ANKRD44: variants seen among roughly 807,000 people sequenced by gnomAD.
ANKRD44 encodes serine/threonine-protein phosphatase 6 regulatory ankyrin repeat subunit B.
ANKRD44 carries 35 observed loss-of-function variants against 116.0 expected under a neutral mutation model. The observed-to-expected ratio is 0.30, with a 90% CI of 0.23 to 0.40. The LOEUF (loss-of-function observed/expected upper bound fraction) is 0.40, where lower values mean the gene tolerates loss of function less well. Among genes scored for constraint, ANKRD44 ranks in the 10% least tolerant of loss-of-function variants. The pLI, the probability that ANKRD44 is intolerant of heterozygous loss-of-function variation, is 1.00. For missense variants in ANKRD44, 1,014 were observed against 1,242.6 expected (o/e 0.82, Z 2.77); for synonymous variants, 435 against 461.8 (o/e 0.94, Z 0.74).
chr2:197,147,040 G>A lies in ANKRD44; in HGVS notation c.177C>T (p.Leu59=), dbSNP rs776572141. 2 of 1,613,642 alleles carry A rather than the reference G, an allele frequency of 1.2e-6. No homozygotes were observed. The highest frequency in any genetic ancestry group is 8.5e-7 in the Non-Finnish European group (1 of 1,179,668). ...AFLGDAEIIE[L]LILSGARVNA... Reference sequence around the variant, plus strand: ...GCAGTTATTTACCTGACAAAATCAGGAGTTCAATGATCTCTGCATCTCCCA... The same window carrying A: ...GCAGTTATTTACCTGACAAAATCAGAAGTTCAATGATCTCTGCATCTCCCA... The change falls in exon 3 of 28, where the codon CTC becomes CTT. Residue 59 remains leucine, a synonymous_variant. Coordinates refer to ENST00000282272, the MANE Select transcript of ANKRD44 (RefSeq NM_001195144.2).
chr2:196,986,053 C>T (rs2075834559), downstream of ANKRD44, among the ~76,000 whole-genome samples: 1 of 152,202 alleles, frequency 6.6e-6, no homozygotes, highest in Non-Finnish European at 1.5e-5. Flanking sequence ...CATTTCTCCT[C>T]TTACCTTGGC....
At chr2:197,217,758 T>C (rs1273250846) in intron 1 of ANKRD44, among the ~76,000 whole-genome samples, 1 of 152,204 alleles carries the variant, frequency 6.6e-6, no homozygotes, top group African/African-American at 2.4e-5. Flanking sequence ...TTAACAACTG[T>C]GGGATCCAGG....
At chr2:197,274,330 T>A (rs568927738) in intron 1 of ANKRD44, among the ~76,000 whole-genome samples, 26 of 152,250 alleles carry the variant, frequency 1.7e-4, no homozygotes, top group African/African-American at 5.5e-4. Context: ...AGGGTCTCTA[T>A]GAAAGCCTAT....
rs938153931 is a variant in ANKRD44 at position 197,089,933 on chromosome 2, C to A, written c.1183+17G>T. 4 of 1,610,668 alleles carry A rather than the reference C, an allele frequency of 2.5e-6. No homozygotes were observed. The highest frequency in any genetic ancestry group is 3.4e-6 in the Non-Finnish European group (4 of 1,176,966). ...CAGGACACATTAAGCCTCATCTCTG[C>A]TAACAGATTTACTTACCCGATGATA... On this transcript the variant is annotated intron_variant, in intron 11 of 27. Transcript: ENST00000282272.
At chr2:197,252,986 T>C (rs2082356192) in intron 1 of ANKRD44, among the ~76,000 whole-genome samples, 1 of 152,220 alleles carries the variant, frequency 6.6e-6, no homozygotes, top group Non-Finnish European at 1.5e-5. Context: ...ACAGATCACG[T>C]GGCATCCACT....
At chr2:197,253,303 CAGTT>C (rs765260962) in intron 1 of ANKRD44, among the ~76,000 whole-genome samples, 1 of 152,090 alleles carries the variant, frequency 6.6e-6, no homozygotes, top group Non-Finnish European at 1.5e-5. Flanking sequence ...TTCTCACTGT[CAGTT>C]AGGAGACTGA....
intron 2 of ANKRD44, among the ~76,000 whole-genome samples, chr2:197,168,392 A>C (rs1031839960): frequency 9.2e-5 from 14 of 152,196 alleles, no homozygotes; most frequent in African/African-American, 2.9e-4. Context: ...TTTAGTGTTA[A>C]ATGGCCTTAT....
chr2:197,183,775 C>A (rs1185243008), intron 2 of ANKRD44, among the ~76,000 whole-genome samples: 2 of 151,908 alleles, frequency 1.3e-5, no homozygotes, highest in Non-Finnish European at 2.9e-5. Context: ...TGTTCTTTAT[C>A]CATTCATTCA....
rs183981354 is a variant in ANKRD44, at chr2:197,091,520, C to T, written c.1101-1488G>A. On this transcript the variant is annotated intron_variant, in intron 10 of 27. Transcript: ENST00000282272. ...CACAGGCGCACATCACTATACCCAG[C>T]TAATTTTTTGGTGTATTTTGTAGAG... is the stretch of plus-strand genomic sequence containing the variant. 1.6e-3 allele frequency among the ~76,000 whole-genome samples: 237 copies of T among 152,260 alleles called. 1 individual carries two copies. Among genetic ancestry groups the T allele is most frequent in the Non-Finnish European group, 3.0e-3 (204 of 68,010 alleles).
chr2:197,241,949 T>C (rs2082099275), intron 1 of ANKRD44, among the ~76,000 whole-genome samples: 1 of 152,180 alleles, frequency 6.6e-6, no homozygotes, highest in African/African-American at 2.4e-5. Context: ...GTGCTTTTCT[T>C]CCCAAACCAT....
At chr2:197,254,287 G>A (rs965368013) in intron 1 of ANKRD44, among the ~76,000 whole-genome samples, 4 of 152,066 alleles carry the variant, frequency 2.6e-5, no homozygotes, top group Admixed American at 2.6e-4. Context: ...CAGCTGCTCG[G>A]GAGGCTGAGG....
At chr2:197,049,197 T>G (rs961808855) in intron 16 of ANKRD44, among the ~76,000 whole-genome samples, 2 of 152,332 alleles carry the variant, frequency 1.3e-5, no homozygotes, top group East Asian at 3.9e-4. Context: ...AGACCCCATT[T>G]GTCTATTTTG....
intron 7 of ANKRD44, among the ~76,000 whole-genome samples, chr2:197,121,854 A>T (rs1202213236): frequency 6.6e-6 from 1 of 152,152 alleles, no homozygotes; most frequent in African/African-American, 2.4e-5. Context: ...ACCAAAAGAG[A>T]AGTAAATCAG....
rs150671080 is a variant in ANKRD44 at position 197,158,024 on chromosome 2, G to A, written c.112-10919C>T. ...ACTTGGCCAGGAATATTTCTTGAGA[G>A]CCAGTGGAAACAGAACATGGGAAAG... On this transcript the variant is annotated intron_variant, in intron 2 of 27. Coordinates refer to ENST00000282272, the MANE Select transcript of ANKRD44 (RefSeq NM_001195144.2). Among the ~76,000 whole-genome samples the A allele has an allele frequency of 4.3e-3, 654 of 152,268 alleles. 3 individuals are homozygous for A. Among genetic ancestry groups the A allele is most frequent in the African/African-American group, 0.014 (599 of 41,546 alleles).
intron 2 of ANKRD44, among the ~76,000 whole-genome samples, chr2:197,165,313 A>G (rs2080079047): frequency 6.6e-6 from 1 of 152,244 alleles, no homozygotes; most frequent in Non-Finnish European, 1.5e-5. Context: ...GCTCAGGATC[A>G]GAGGAACAAA....
chr2:196,973,968 A>G (rs1269321823), intron 21 of ANKRD44, among the ~76,000 whole-genome samples: 2 of 152,204 alleles, frequency 1.3e-5, no homozygotes, highest in Admixed American at 6.5e-5. Context: ...TAAACTTTAA[A>G]GTATTGAAAT....
chr2:197,051,721 G>A (rs1296042151), intron 16 of ANKRD44, among the ~76,000 whole-genome samples: 1 of 152,158 alleles, frequency 6.6e-6, no homozygotes, highest in Non-Finnish European at 1.5e-5. Context: ...TCACCACTGA[G>A]ATGCTAATAC....
intron 2 of ANKRD44, among the ~76,000 whole-genome samples, chr2:197,152,573 G>A (rs2125454204): frequency 6.6e-6 from 1 of 152,332 alleles, no homozygotes; most frequent in South Asian, 2.1e-4. Flanking sequence ...ATGTCTCAGA[G>A]AGATCAGGCA....
chr2:197,098,835 G>C (rs905346270), intron 10 of ANKRD44, among the ~76,000 whole-genome samples: 1 of 151,980 alleles, frequency 6.6e-6, no homozygotes, highest in African/African-American at 2.4e-5. Context: ...ATTAGGCAAG[G>C]GGCTCAAAGT....
Sources: allele counts gnomAD v4.1 joint callset (sites outside exome capture counted in the v4.1 genomes callset), GRCh38; gene constraint gnomAD v4.1.1; transcripts MANE v1.5; gene names NCBI Gene and HGNC (gene_info 2026-07-23, HGNC 2026-07-21).